Variants in MERTK observed in about 807,000 individuals in gnomAD.
MERTK encodes the protein tyrosine-protein kinase Mer.
MERTK carries 69 observed loss-of-function variants against 99.3 expected under a neutral mutation model. That is an observed-to-expected ratio of 0.70 (90% CI 0.57 to 0.85). MERTK has a LOEUF of 0.85. MERTK is among the 40% of genes least tolerant of loss of function. The pLI, the probability that MERTK is intolerant of heterozygous loss-of-function variation, is 0.00. For missense variants in MERTK, 1,125 were observed against 1,249.4 expected (o/e 0.90, Z 1.50); for synonymous variants, 426 against 467.6 (o/e 0.91, Z 1.15).
chr2:111,939,811 G>C (rs1481169552), intron 2 of MERTK, among the ~76,000 whole-genome samples: 1 of 151,658 alleles, frequency 6.6e-6, no homozygotes, highest in South Asian at 2.1e-4. Context: ...GCCCCATAGC[G>C]ATTCTTGAGT....
chr2:112,002,304 A>G (rs1444681576), intron 11 of MERTK, among the ~76,000 whole-genome samples: 1 of 152,162 alleles, frequency 6.6e-6, no homozygotes, highest in African/African-American at 2.4e-5. Context: ...TAGGTTTCAT[A>G]TACAGTATGT....
At chr2:111,904,501 A>G (rs1684102072) in intron 1 of MERTK, among the ~76,000 whole-genome samples, 1 of 151,020 alleles carries the variant, frequency 6.6e-6, no homozygotes, top group Non-Finnish European at 1.5e-5. Context: ...TCAGCCTCCC[A>G]AGTAGCTGGG....
chr2:111,985,361 G>T (rs894274052), intron 8 of MERTK, among the ~76,000 whole-genome samples: 1 of 152,116 alleles, frequency 6.6e-6, no homozygotes, highest in Non-Finnish European at 1.5e-5. Flanking sequence ...GGAAGAGAGT[G>T]GGGTATTGCT....
intron 18 of MERTK, chr2:112,024,818 T>G (rs1677431537): frequency 6.5e-6 from 1 of 152,782 alleles, no homozygotes. Context: ...TAGTCCCAGC[T>G]GCTCAAGAGG....
At chr2:112,019,823 T>C (rs1294254410) in intron 16 of MERTK, among the ~76,000 whole-genome samples, 1 of 152,216 alleles carries the variant, frequency 6.6e-6, no homozygotes, top group Non-Finnish European at 1.5e-5. Flanking sequence ...ATCAGCTAGC[T>C]TTGGACCTAG....
At chr2:111,902,169 G>GCCA (rs1255272666) in intron 1 of MERTK, among the ~76,000 whole-genome samples, 1 of 152,340 alleles carries the variant, frequency 6.6e-6, no homozygotes, top group East Asian at 1.9e-4. Context: ...ACAGGCATGA[G>GCCA]CCACCACACC....
chr2:111,968,820 C>T (rs968085632), intron 6 of MERTK, among the ~76,000 whole-genome samples: 32 of 151,850 alleles, frequency 2.1e-4, no homozygotes, highest in African/African-American at 6.1e-4. Flanking sequence ...TGAGCCACCA[C>T]GCCCAGCCAA....
chr2:112,028,853 G>T lies in MERTK; in HGVS notation c.2989G>T (p.Val997Phe). ...FADDSSEGSE[V>F]LM ...TGACGACTCCTCAGAAGGCTCAGAA[G>T]TCCTGATGTGAGGAGAGGTGCGGGG... is the stretch of plus-strand genomic sequence containing the variant. Residue 997 changes from valine (V) to phenylalanine (F), a missense_variant, in exon 19 of 19, where the codon GTC becomes TTC. Transcript: ENST00000295408. 1 of 1,613,904 alleles carries T rather than the reference G, an allele frequency of 6.2e-7. No homozygotes were observed.
At chr2:111,911,638 G>A (rs1684250227) in intron 1 of MERTK, among the ~76,000 whole-genome samples, 1 of 145,894 alleles carries the variant, frequency 6.9e-6, no homozygotes, top group Admixed American at 7.0e-5. Context: ...TGATCTGCCC[G>A]TCTCAGCCTC....
Position 111,965,207 on chromosome 2 carries a change from G to A in MERTK, c.774G>A (p.Ala258=), listed in dbSNP as rs1409163853. The A allele has an allele frequency of 1.7e-5, 27 of 1,614,074 alleles. No homozygotes were observed. Among genetic ancestry groups the A allele is most frequent in the East Asian group, 6.7e-5 (3 of 44,898 alleles). ...VLTVPGLTEM[A]VFSCEAHNDK... The stretch of plus-strand genomic sequence containing the variant: ...CCATTCCAGGCCTGACGGAGATGGC[G>A]GTCTTCAGTTGTGAGGCCCACAATG... The change falls in exon 5 of 19, where the codon GCG becomes GCA. Residue 258 remains alanine (A), a synonymous_variant. Coordinates refer to ENST00000295408, the MANE Select transcript of MERTK (RefSeq NM_006343.3).
At chr2:111,905,900 G>A (rs973663616) in intron 1 of MERTK, among the ~76,000 whole-genome samples, 30 of 152,194 alleles carry the variant, frequency 2.0e-4, no homozygotes, top group African/African-American at 7.2e-4. Context: ...GGGAGAAGGG[G>A]CAGAAGGAAA....
At chr2:111,994,743 T>C in intron 9 of MERTK, 1 of 351,856 alleles carries the variant, frequency 2.8e-6, no homozygotes, top group Non-Finnish European at 5.5e-6. Flanking sequence ...CACACCACTG[T>C]ACTCTAGCTA....
chr2:111,956,759 C>T (rs1180058816), intron 4 of MERTK, among the ~76,000 whole-genome samples: 1 of 150,804 alleles, frequency 6.6e-6, no homozygotes, highest in African/African-American at 2.4e-5. Context: ...CTCCTGCACT[C>T]AAGCAAATCC....
At position 111,962,823 on chromosome 2, in the gene MERTK, G is replaced by C. The variant is rs1685276539; in HGVS notation, c.758-2368G>C. Among the ~76,000 whole-genome samples, 4 of 152,084 alleles carry C rather than the reference G, an allele frequency of 2.6e-5. No homozygotes were observed. The South Asian group carries it at 8.3e-4, about 31-fold the overall frequency. ...TGTGACAATTTCTCAAACTTTCCTT[G>C]TTTTGAATGACCTTGACAGTGAAGG... On this transcript the variant is annotated intron_variant, in intron 4 of 18. Transcript: ENST00000295408.
At chr2:112,019,586 G>A (rs1442279776) in intron 16 of MERTK, 64 bp downstream of exon 16, 3 of 1,219,976 alleles carry the variant, frequency 2.5e-6, no homozygotes, top group South Asian at 1.2e-5. Flanking sequence ...TGCAGGGTTA[G>A]TGAGAGGACC....
rs1293952306 is a variant in MERTK, at chr2:112,022,357, C to T, written c.2449C>T (p.His817Tyr). 6.2e-7 allele frequency: 1 copy of T among 1,614,096 alleles called. No individual in the cohort carries two copies. Among genetic ancestry groups the T allele is most frequent in the Non-Finnish European group, 8.5e-7 (1 of 1,180,048 alleles). Residue 817 changes from histidine to tyrosine, a missense_variant, in exon 18 of 19, where the codon CAC becomes TAC. Physicochemically the swap from His to Tyr is moderately conservative, Grantham distance 83. Transcript: ENST00000295408. ...GATGTATGACTATCTTCTCCATGGC[C>T]ACAGGTTGAAGCAGCCCGAAGACTG... ...HEMYDYLLHG[H>Y]RLKQPEDCLD...
chr2:112,026,280 G>T lies in MERTK; in HGVS notation c.2487-2071G>T, dbSNP rs559214748. On this transcript the variant is annotated intron_variant, in intron 18 of 18. Transcript: ENST00000295408. ...TAAGGTATTGAATATTAAAGGAAAA[G>T]AAGTTTCAAAGTGATATTGATACTA... 2 of 148,292 alleles carry T rather than the reference G, an allele frequency of 1.3e-5. 1 individual carries two copies. The highest frequency in any genetic ancestry group is 1.3e-4 in the Admixed American group (2 of 15,182). The allele number at this position is 148,292 out of a possible 1,614,324, so 9.2% of individuals were successfully genotyped here. A position where few individuals can be genotyped will look rare whatever the true frequency, so the allele number is the denominator to read the frequency against.
rs768477896 is a variant in MERTK, at chr2:111,975,470, G to T, written c.1142G>T (p.Gly381Val). Residue 381 changes from glycine (G) to valine (V), a missense_variant and splice_region_variant, in exon 7 of 19, where the codon GGA (glycine) becomes GTA (valine). By Grantham distance (109) the Gly-to-Val change is moderately radical. Coordinates refer to ENST00000295408, the MANE Select transcript of MERTK (RefSeq NM_006343.3). ...TGGATTCTAGCCAGCACGACTGAAGGAGGTAATTCCTGGGGTTCAGAATGT... is the reference window on the plus strand; with the variant it reads ...TGGATTCTAGCCAGCACGACTGAAGTAGGTAATTCCTGGGGTTCAGAATGT... Reference protein sequence around the residue: ...SPWILASTTEGAPSVAPLNVT... With the variant: ...SPWILASTTEVAPSVAPLNVT... 28 of 1,613,964 alleles carry T rather than the reference G, an allele frequency of 1.7e-5. No homozygotes were observed. In the South Asian group the frequency reaches 3.1e-4, roughly 18 times the overall value.
At chr2:111,959,687 G>A in intron 4 of MERTK, among the ~76,000 whole-genome samples, 1 of 151,950 alleles carries the variant, frequency 6.6e-6, no homozygotes, top group Non-Finnish European at 1.5e-5. Context: ...TTGCCCCAGG[G>A]TGGGGCAACT....
Sources: gnomAD v4.1 joint callset for allele counts (sites outside exome capture counted in the v4.1 genomes callset) on GRCh38, gnomAD v4.1.1 for gene constraint, MANE v1.5 for transcripts, NCBI Gene and HGNC (gene_info 2026-07-23, HGNC 2026-07-21) for gene names.